The following CDC42BPA variants were observed in gnomAD, a reference collection of about 807,000 sequenced individuals.
The protein encoded by CDC42BPA is CDC42 binding protein kinase alpha.
CDC42BPA carries 80 observed loss-of-function variants against 223.5 expected under a neutral mutation model. The observed-to-expected ratio is 0.36, with a 90% confidence interval of 0.30 to 0.43. The LOEUF (loss-of-function observed/expected upper bound fraction) is 0.43, where lower values mean the gene tolerates loss of function less well. CDC42BPA is among the 20% of genes least tolerant of loss of function. The pLI is 1.00. For missense variants in CDC42BPA, 1,743 were observed against 2,099.9 expected, an observed-to-expected ratio of 0.83 and a Z score of 3.32; for synonymous variants, 694 against 718.6, an observed-to-expected ratio of 0.97 and a Z score of 0.55.
chr1:227,114,017 C>CAAAAAA (rs374913161), intron 12 of CDC42BPA, among the ~76,000 whole-genome samples: 6 of 120,292 alleles, frequency 5.0e-5, no homozygotes, highest in Non-Finnish European at 6.9e-5. Context: ...GACTCCAACT[C>CAAAAAA]AAAAAAAAAG....
intron 2 of CDC42BPA, among the ~76,000 whole-genome samples, chr1:227,253,249 AGAGAGAGAGC>A (rs113306770): frequency 0.15 from 22,715 of 148,546 alleles, 2,064 homozygotes; most frequent in African/African-American, 0.24. Flanking sequence ...AAAGAGAGCG[AGAGAGAGAGC>A]GAGAGAGAGC....
chr1:227,213,120 T>C lies in CDC42BPA; in HGVS notation c.354+16A>G. 8.2e-7 allele frequency: 1 copy of C among 1,218,884 alleles called. No homozygotes were observed. The highest frequency in any genetic ancestry group is 1.2e-6 in the Non-Finnish European group (1 of 847,614). The allele number at this position is 1,218,884 out of a possible 1,614,324, so 75.5% of individuals were successfully genotyped here. A position where few individuals can be genotyped will look rare whatever the true frequency, so the allele number is the denominator to read the frequency against. On this transcript the variant is annotated intron_variant, in intron 3 of 36. Coordinates refer to ENST00000366766, the MANE Select transcript of CDC42BPA (RefSeq NM_001394014.1). ...TTTCTAAAATATTTATATATTCCAA[T>C]ACATAAGACTCTTACCTCAGCTCTT...
intron 6 of CDC42BPA, among the ~76,000 whole-genome samples, chr1:227,155,773 A>G (rs930750916): frequency 1.3e-5 from 2 of 152,242 alleles, no homozygotes; most frequent in Admixed American, 1.3e-4. Context: ...TGACACGACG[A>G]TGAGTATTTG....
intron 12 of CDC42BPA, among the ~76,000 whole-genome samples, chr1:227,118,308 C>T (rs1688089431): frequency 6.6e-6 from 1 of 152,096 alleles, no homozygotes; most frequent in Admixed American, 6.6e-5. Flanking sequence ...AAGTATTCAA[C>T]ATCACTAGTC....
chr1:227,219,746 T>C (rs1318385921), intron 2 of CDC42BPA, among the ~76,000 whole-genome samples: 1 of 152,174 alleles, frequency 6.6e-6, no homozygotes, highest in African/African-American at 2.4e-5. Context: ...CTCTAGGGTC[T>C]CTTCATTTCT....
chr1:227,119,733 G>T, intron 12 of CDC42BPA, 71 bp downstream of exon 12: 1 of 1,016,182 alleles, frequency 9.8e-7, no homozygotes, highest in Non-Finnish European at 1.4e-6. Flanking sequence ...CATTATGAAT[G>T]CTTTCAGTAT....
chr1:227,013,972 T>C (rs1467259847), intron 34 of CDC42BPA, among the ~76,000 whole-genome samples: 1 of 152,156 alleles, frequency 6.6e-6, no homozygotes, highest in African/African-American at 2.4e-5. Flanking sequence ...CACATTTCAA[T>C]TGTTTATCAC....
intron 2 of CDC42BPA, among the ~76,000 whole-genome samples, chr1:227,230,178 A>G (rs1200254371): frequency 2.6e-5 from 4 of 152,230 alleles, no homozygotes; most frequent in Admixed American, 6.5e-5. Context: ...TGCCTGAAAG[A>G]GAAAGGTAGG....
At chr1:227,036,579 G>A (rs1267708400) in intron 24 of CDC42BPA, among the ~76,000 whole-genome samples, 3 of 151,970 alleles carry the variant, frequency 2.0e-5, no homozygotes, top group Admixed American at 6.6e-5. Context: ...ACAGGCGCCC[G>A]CCACCTTGCC....
chr1:227,238,257 G>T (rs1477639836), intron 2 of CDC42BPA, among the ~76,000 whole-genome samples: 1 of 151,096 alleles, frequency 6.6e-6, no homozygotes, highest in African/African-American at 2.4e-5. Context: ...TACTTATGAG[G>T]CTGAGTGGGA....
At chr1:227,316,916 GGAGTA>G (rs1387829515) in intron 1 of CDC42BPA, 84 bp downstream of exon 1, 13 of 910,738 alleles carry the variant, frequency 1.4e-5, no homozygotes, top group African/African-American at 1.0e-4. Flanking sequence ...TTCTTTGAAC[GGAGTA>G]GAGTTTACTC....
chr1:227,201,766 T>C (rs930479094), intron 3 of CDC42BPA, among the ~76,000 whole-genome samples: 10 of 88,204 alleles, frequency 1.1e-4, no homozygotes, highest in Non-Finnish European at 1.9e-4. Flanking sequence ...ATTATAGTGC[T>C]CTGTAAGTTT....
At chr1:227,139,831 G>T in intron 9 of CDC42BPA, 89 bp from the exon 10 acceptor site, 2 of 715,296 alleles carry the variant, frequency 2.8e-6, no homozygotes, top group Non-Finnish European at 4.0e-6. Flanking sequence ...GTTTTTAACT[G>T]ACTCCACATT....
chr1:227,142,580 C>T (rs1659888696), intron 9 of CDC42BPA, among the ~76,000 whole-genome samples: 1 of 151,872 alleles, frequency 6.6e-6, no homozygotes, highest in African/African-American at 2.4e-5. Flanking sequence ...TTTTACGAAC[C>T]TCAATTCAAT....
At chr1:227,298,466 A>G in intron 1 of CDC42BPA, among the ~76,000 whole-genome samples, 1 of 152,098 alleles carries the variant, frequency 6.6e-6, no homozygotes, top group Non-Finnish European at 1.5e-5. Flanking sequence ...GCTATAACCT[A>G]AAAACTCAGA....
intron 2 of CDC42BPA, among the ~76,000 whole-genome samples, chr1:227,224,278 G>C (rs1418807792): frequency 6.7e-6 from 1 of 150,086 alleles, no homozygotes; most frequent in Admixed American, 6.6e-5. Flanking sequence ...TTGTTGCCCA[G>C]GCTGGAGTGC....
rs887260669 is a variant in CDC42BPA, at chr1:226,992,469, A to G, written c.*1799T>C. On this transcript the variant is annotated 3_prime_UTR_variant, in exon 37 of 37. Coordinates refer to ENST00000366766, the MANE Select transcript of CDC42BPA (RefSeq NM_001394014.1). ...AGAACCTTCTCCACACAGCAGCATC[A>G]CCTGGAAACAGCCTCAGCTCCCTGC... The G allele has an allele frequency of 2.6e-5, 4 of 152,312 alleles. No homozygotes were observed. The highest frequency in any genetic ancestry group is 9.7e-5 in the African/African-American group (4 of 41,442). The allele number at this position is 152,312 out of a possible 1,614,324, so 9.4% of individuals were successfully genotyped here.
intron 1 of CDC42BPA, among the ~76,000 whole-genome samples, chr1:227,309,365 A>T (rs1157252872): frequency 6.6e-6 from 1 of 152,178 alleles, no homozygotes; most frequent in Admixed American, 6.5e-5. Flanking sequence ...TGTTCACACA[A>T]TGCCAAAATA....
In CDC42BPA at chr1:227,006,641, G is replaced by A. The variant is rs114696453; in HGVS notation, c.4858-1530C>T. Among the ~76,000 whole-genome samples, 656 of 152,146 alleles carry A rather than the reference G, an allele frequency of 4.3e-3. 5 individuals carry two copies. Among genetic ancestry groups the A allele is most frequent in the African/African-American group, 0.015 (613 of 41,510 alleles). On this transcript the variant is annotated intron_variant, in intron 34 of 36. Coordinates refer to ENST00000366766, the MANE Select transcript of CDC42BPA (RefSeq NM_001394014.1). ...TTTCAAACCTCCTTTTAGTCACATCGAAACAGCCATTCTGGCCAGGCACGG... is the reference window on the plus strand; with the variant it reads ...TTTCAAACCTCCTTTTAGTCACATCAAAACAGCCATTCTGGCCAGGCACGG...
Sources: allele counts gnomAD v4.1 joint callset (sites outside exome capture counted in the v4.1 genomes callset), GRCh38; gene constraint gnomAD v4.1.1; transcripts MANE v1.5; gene names NCBI Gene and HGNC (gene_info 2026-07-23, HGNC 2026-07-21).